The following NCAM2 variants were observed in gnomAD, a reference collection of about 807,000 sequenced individuals.
NCAM2 encodes N-CAM-2.
In NCAM2, 30 loss-of-function variants were observed where a neutral mutation model predicts 98.1. The ratio of observed to expected loss-of-function variants is 0.31; its 90% CI spans 0.23 to 0.41. The LOEUF (loss-of-function observed/expected upper bound fraction) is 0.41. NCAM2 is among the 10% of genes least tolerant of loss of function. NCAM2 has a pLI of 1.00. For synonymous variants in NCAM2, 368 were observed against 342.4 expected, an observed-to-expected ratio of 1.07 and a Z score of -0.83; for missense variants, 867 against 1,005.8, an observed-to-expected ratio of 0.86 and a Z score of 1.87.
intron 1 of NCAM2, among the ~76,000 whole-genome samples, chr21:21,134,187 G>A (rs1734919358): frequency 6.6e-6 from 1 of 151,734 alleles, no homozygotes; most frequent in African/African-American, 2.4e-5. Context: ...TCCTGCGTCA[G>A]CCTCCTGAGT....
chr21:21,370,051 A>G (rs2075879865), intron 8 of NCAM2, among the ~76,000 whole-genome samples: 1 of 151,798 alleles, frequency 6.6e-6, no homozygotes, highest in Admixed American at 6.6e-5. Flanking sequence ...TAGTTTTTAA[A>G]TAGAAACTCC....
chr21:21,125,204 T>A lies in NCAM2; in HGVS notation c.55+126586T>A, dbSNP rs531479341. Among the ~76,000 whole-genome samples the A allele has an allele frequency of 3.3e-5, 5 of 151,750 alleles. No homozygotes were observed. In the South Asian group the frequency reaches 1.0e-3, roughly 31 times the overall value. ...ATTAGTGGCTGGTGTGCCATTTTTG[T>A]GTGAGAACTATCATGAAATTTTTTC... On this transcript the variant is annotated intron_variant, in intron 1 of 17. Coordinates refer to ENST00000400546, the MANE Select transcript of NCAM2 (RefSeq NM_004540.5).
intron 1 of NCAM2, among the ~76,000 whole-genome samples, chr21:21,267,533 C>T (rs1912904386): frequency 6.6e-6 from 1 of 151,878 alleles, no homozygotes; most frequent in Non-Finnish European, 1.5e-5. Context: ...TAAATAAATT[C>T]CATTTAAATT....
At chr21:21,271,072 T>C (rs2072481006) in intron 1 of NCAM2, among the ~76,000 whole-genome samples, 1 of 152,196 alleles carries the variant, frequency 6.6e-6, no homozygotes. Context: ...ATGTGATATG[T>C]GTATGTTTGA....
chr21:21,115,965 G>A lies in NCAM2; in HGVS notation c.55+117347G>A, dbSNP rs2066546241. Among the ~76,000 whole-genome samples the A allele has an allele frequency of 1.6e-4, 4 of 25,614 alleles. No individual in the cohort carries two copies. In the South Asian group the frequency reaches 8.2e-3, roughly 52 times the overall value. 16.8% of individuals were successfully genotyped at this position (25,614 alleles called of 152,430 possible). Reference sequence around the variant, plus strand: ...TCCGCTTCTCTGAGATTTTGTGTGTGTGTGTGTGTGTGTGTGTGTGTGTGT... The same window carrying A: ...TCCGCTTCTCTGAGATTTTGTGTGTATGTGTGTGTGTGTGTGTGTGTGTGT... On this transcript the variant is annotated intron_variant, in intron 1 of 17. Transcript: ENST00000400546.
At chr21:21,152,264 C>A (rs2146715702) in intron 1 of NCAM2, among the ~76,000 whole-genome samples, 1 of 151,996 alleles carries the variant, frequency 6.6e-6, no homozygotes, top group Non-Finnish European at 1.5e-5. Context: ...CTTTAAAGTT[C>A]CGTTTTATTT....
intron 6 of NCAM2, among the ~76,000 whole-genome samples, chr21:21,330,467 CTA>C (rs1364192889): frequency 6.6e-6 from 1 of 151,930 alleles, no homozygotes; most frequent in African/African-American, 2.4e-5. Flanking sequence ...TGATTTTTAA[CTA>C]AATTCTATAC....
intron 5 of NCAM2, among the ~76,000 whole-genome samples, chr21:21,296,239 A>T (rs540839416): frequency 1.3e-5 from 2 of 151,922 alleles, no homozygotes; most frequent in East Asian, 3.9e-4. Flanking sequence ...CATTTAACAA[A>T]TGCAGTTTTC....
intron 1 of NCAM2, among the ~76,000 whole-genome samples, chr21:21,082,928 C>T (rs1318286992): frequency 1.3e-5 from 2 of 152,174 alleles, no homozygotes; most frequent in Admixed American, 6.5e-5. Flanking sequence ...TCCAAACATC[C>T]TGTACTCTGG....
Position 21,432,257 on chromosome 21 carries a change from A to C in NCAM2, c.1630A>C (p.Ile544Leu). Residue 544 changes from isoleucine (I) to leucine (L), a missense_variant, in exon 12 of 18, where the codon ATT (isoleucine) becomes CTT (leucine). Physicochemically the swap from Ile to Leu is conservative, Grantham distance 5. Around this residue, in one of 5 missense-constraint regions of NCAM2, gnomAD observed 234 missense variants for 333.8 expected, o/e 0.70. Coordinates refer to ENST00000400546, the MANE Select transcript of NCAM2 (RefSeq NM_004540.5). Reference sequence around the variant, plus strand: ...AGAAGTAGCGTCAGAAATCTGGAAAATTGTACGCTCCCATGGAGTTCAAAG... The same window carrying C: ...AGAAGTAGCGTCAGAAATCTGGAAACTTGTACGCTCCCATGGAGTTCAAAG... The part of the protein sequence containing the change: ...VKEVASEIWK[I>L]VRSHGVQTMV... 6.2e-7 allele frequency: 1 copy of C among 1,614,068 alleles called. No individual in the cohort carries two copies. The highest frequency in any genetic ancestry group is 8.5e-7 in the Non-Finnish European group (1 of 1,179,956).
At chr21:21,007,181 A>G (rs978660932) in intron 1 of NCAM2, among the ~76,000 whole-genome samples, 1 of 152,192 alleles carries the variant, frequency 6.6e-6, no homozygotes. Context: ...TATAATATGA[A>G]TAGGTCCCAA....
intron 8 of NCAM2, among the ~76,000 whole-genome samples, chr21:21,369,139 G>T (rs2075856549): frequency 9.0e-6 from 1 of 110,784 alleles, no homozygotes; most frequent in Non-Finnish European, 1.8e-5. Context: ...CCCCTTGCCT[G>T]CCCTAAGCAA....
chr21:21,482,701 G>C (rs1380900319), intron 15 of NCAM2, among the ~76,000 whole-genome samples: 1 of 151,456 alleles, frequency 6.6e-6, no homozygotes, highest in African/African-American at 2.4e-5. Flanking sequence ...AATTTTTCTT[G>C]TAAGTATGCT....
intron 5 of NCAM2, among the ~76,000 whole-genome samples, chr21:21,295,455 AT>A (rs775676204): frequency 7.9e-5 from 12 of 152,010 alleles, no homozygotes; most frequent in Middle Eastern, 6.8e-3. Context: ...TGCCTTTGAT[AT>A]GTGAAGTATG....
intron 1 of NCAM2, among the ~76,000 whole-genome samples, chr21:21,193,715 T>G (rs1203655174): frequency 6.6e-6 from 1 of 151,926 alleles, no homozygotes; most frequent in Non-Finnish European, 1.5e-5. Flanking sequence ...AGGATGGTCT[T>G]GATCTGTTGA....
intron 1 of NCAM2, among the ~76,000 whole-genome samples, chr21:21,170,200 T>A (rs1388628850): frequency 6.6e-6 from 1 of 152,198 alleles, no homozygotes; most frequent in Non-Finnish European, 1.5e-5. Flanking sequence ...CTTGGGACTT[T>A]CTTACAAAAC....
At chr21:21,248,707 G>A (rs1237803063) in intron 1 of NCAM2, among the ~76,000 whole-genome samples, 1 of 137,984 alleles carries the variant, frequency 7.2e-6, no homozygotes, top group Admixed American at 8.2e-5. Context: ...AACCCGGGAG[G>A]TGGAGCTTGC....
chr21:21,093,315 C>T (rs2066051868), intron 1 of NCAM2, among the ~76,000 whole-genome samples: 1 of 151,966 alleles, frequency 6.6e-6, no homozygotes, highest in Non-Finnish European at 1.5e-5. Flanking sequence ...ATTAGGGATC[C>T]CAGTTACAGA....
At chr21:21,454,960 C>T (rs996981779) in intron 12 of NCAM2, among the ~76,000 whole-genome samples, 4 of 151,900 alleles carry the variant, frequency 2.6e-5, no homozygotes, top group Admixed American at 6.6e-5. Context: ...CCTTAATATA[C>T]ATTTTCCTTC....
Sources: gnomAD v4.1 joint callset for allele counts (sites outside exome capture counted in the v4.1 genomes callset) on GRCh38, gnomAD v4.1.1 for gene constraint, gnomAD v4.1.1 regional missense constraint, MANE v1.5 for transcripts, NCBI Gene and HGNC (gene_info 2026-07-23, HGNC 2026-07-21) for gene names.